Variants in MLLT10 observed in about 807,000 individuals in gnomAD.
MLLT10 encodes the protein protein AF-10.
Under a neutral mutation model 129.1 loss-of-function variants are expected in MLLT10, and 30 were observed. The observed-to-expected ratio is 0.23, with a 90% CI of 0.17 to 0.32. MLLT10 has a LOEUF of 0.32. Ranked by LOEUF, MLLT10 falls within the 10% of genes least tolerant of loss-of-function variation. The pLI is 1.00. For synonymous variants in MLLT10, 490 were observed against 446.4 expected, an observed-to-expected ratio of 1.10 and a Z score of -1.23; for missense variants, 1,119 against 1,268.3, an observed-to-expected ratio of 0.88 and a Z score of 1.79.
rs371279227 is a variant in MLLT10 at position 21,714,258 on chromosome 10, T to C, written c.1878+308T>C. Among the ~76,000 whole-genome samples the C allele has an allele frequency of 2.6e-5, 4 of 152,278 alleles. No homozygotes were observed. The East Asian group carries it at 7.7e-4, about 29-fold the overall frequency. On this transcript the variant is annotated intron_variant, in intron 14 of 22. Transcript: ENST00000307729. The stretch of plus-strand genomic sequence containing the variant: ...TTAAAAAAGTAGGACCCACAAAATA[T>C]GAGCAAGTTTTGGACTCTTGTGATT...
intron 9 of MLLT10, chr10:21,668,833 C>CAGAAGG: frequency 9.7e-7 from 1 of 1,031,124 alleles, no homozygotes; most frequent in Non-Finnish European, 1.2e-6. Context: ...AATTTTCTCT[C>CAGAAGG]CATTCTTTAT....
At chr10:21,568,989 AT>A (rs200259703) in intron 3 of MLLT10, among the ~76,000 whole-genome samples, 4 of 151,528 alleles carry the variant, frequency 2.6e-5, no homozygotes, top group African/African-American at 9.7e-5. Context: ...ATTGTCTTTG[AT>A]TTTTTTTTGT....
At position 21,673,551 on chromosome 10, in the gene MLLT10, T is replaced by C. The variant is rs142568293; in HGVS notation, c.1253T>C (p.Ile418Thr). ...EGGVNSFSTL[I>T]GLPSTSAVTS... Reference sequence around the variant, plus strand: ...GGGGTAAATAGTTTTAGTACCTTAATTGGCCTCCCTTCAACCTCAGCTGTT... The same window carrying C: ...GGGGTAAATAGTTTTAGTACCTTAACTGGCCTCCCTTCAACCTCAGCTGTT... The change falls in exon 11 of 23, where the codon ATT becomes ACT. Residue 418 changes from isoleucine to threonine, a missense_variant. Coordinates refer to ENST00000307729, the MANE Select transcript of MLLT10 (RefSeq NM_001195626.3). 12 of 1,613,208 alleles carry C rather than the reference T, an allele frequency of 7.4e-6. No individual in the cohort carries two copies. Among genetic ancestry groups the C allele is most frequent in the African/African-American group, 6.7e-5 (5 of 74,858 alleles).
chr10:21,603,559 A>G (rs11012749), intron 5 of MLLT10, among the ~76,000 whole-genome samples: 1 of 151,852 alleles, frequency 6.6e-6, no homozygotes, highest in Non-Finnish European at 1.5e-5. Context: ...ATAACAAACA[A>G]CCTGTGTAGA....
At chr10:21,552,690 C>A (rs894120697) in intron 3 of MLLT10, among the ~76,000 whole-genome samples, 1 of 152,124 alleles carries the variant, frequency 6.6e-6, no homozygotes, top group Non-Finnish European at 1.5e-5. Flanking sequence ...CCATGCCCGG[C>A]CTCTCTCATT....
At chr10:21,724,554 G>T (rs1284460444) in intron 14 of MLLT10, among the ~76,000 whole-genome samples, 1 of 152,192 alleles carries the variant, frequency 6.6e-6, no homozygotes, top group Non-Finnish European at 1.5e-5. Flanking sequence ...TAACTGCAAT[G>T]ATTTTAGTTT....
At chr10:21,682,325 G>A (rs41277384) in intron 13 of MLLT10, 68 bp downstream of exon 13, 6 of 1,395,896 alleles carry the variant, frequency 4.3e-6, no homozygotes, top group East Asian at 4.6e-5. Context: ...AGAGAATCTC[G>A]ATTGAAAGCT....
intron 3 of MLLT10, among the ~76,000 whole-genome samples, chr10:21,555,228 A>T (rs879723914): frequency 1.1e-4 from 16 of 151,576 alleles, no homozygotes; most frequent in Non-Finnish European, 1.8e-4. Context: ...AATTTAATTT[A>T]ATTTTATTTT....
chr10:21,537,160 C>G (rs1232611434), intron 2 of MLLT10, among the ~76,000 whole-genome samples: 1 of 152,142 alleles, frequency 6.6e-6, no homozygotes, highest in Non-Finnish European at 1.5e-5. Flanking sequence ...CAGGCATGAG[C>G]TGCCTTGCCT....
In MLLT10 at chr10:21,552,728, C is replaced by T. The variant is rs186057993; in HGVS notation, c.240+13816C>T. 4.1e-3 allele frequency among the ~76,000 whole-genome samples: 631 copies of T among 152,200 alleles called. 3 individuals are homozygous for T. The highest frequency in any genetic ancestry group is 6.9e-3 in the Non-Finnish European group (467 of 68,008). ...TTTCTTAAATAATCTGCATGGTTAT[C>T]GTATTAGGTCGTTTATAGATTCACT... On this transcript the variant is annotated intron_variant, in intron 3 of 22. Transcript: ENST00000307729.
chr10:21,736,704 G>A (rs2058395169), intron 21 of MLLT10, among the ~76,000 whole-genome samples: 1 of 152,196 alleles, frequency 6.6e-6, no homozygotes, highest in South Asian at 2.1e-4. Context: ...ACCAATTTTG[G>A]AGAGAAAAAT....
chr10:21,547,072 G>A (rs2036203643), intron 3 of MLLT10, among the ~76,000 whole-genome samples: 2 of 151,986 alleles, frequency 1.3e-5, no homozygotes, highest in African/African-American at 2.4e-5. Flanking sequence ...GTTTTACCAT[G>A]TTGGCCAGGC....
At chr10:21,664,267 C>G (rs765006870) in intron 9 of MLLT10, among the ~76,000 whole-genome samples, 1 of 145,622 alleles carries the variant, frequency 6.9e-6, no homozygotes, top group African/African-American at 2.5e-5. Flanking sequence ...CATGGATTAT[C>G]TTGTTAAACA....
chr10:21,623,153 G>T (rs1015583752), intron 8 of MLLT10, among the ~76,000 whole-genome samples: 6 of 152,282 alleles, frequency 3.9e-5, no homozygotes, highest in African/African-American at 1.4e-4. Context: ...TCATTGTTAA[G>T]ATTTTTTCTG....
chr10:21,703,853 G>A (rs1023199113), intron 13 of MLLT10, among the ~76,000 whole-genome samples: 1 of 151,426 alleles, frequency 6.6e-6, no homozygotes, highest in Non-Finnish European at 1.5e-5. Flanking sequence ...CCAGACCTGG[G>A]AAGTTTTAAT....
intron 3 of MLLT10, among the ~76,000 whole-genome samples, chr10:21,567,205 T>G (rs184703677): frequency 6.6e-6 from 1 of 152,362 alleles, no homozygotes; most frequent in East Asian, 1.9e-4. Flanking sequence ...AACAACTGTT[T>G]TAACTAGTGT....
intron 5 of MLLT10, among the ~76,000 whole-genome samples, chr10:21,606,699 C>A (rs972577847): frequency 6.6e-6 from 1 of 152,178 alleles, no homozygotes; most frequent in Admixed American, 6.5e-5. Context: ...CATGGTCAAA[C>A]TTGAATGTAT....
intron 3 of MLLT10, among the ~76,000 whole-genome samples, chr10:21,543,280 C>G (rs541763836): frequency 2.6e-5 from 4 of 151,944 alleles, no homozygotes; most frequent in African/African-American, 9.6e-5. Flanking sequence ...GTCACCATGC[C>G]CGGCTAATTT....
chr10:21,624,544 G>T, intron 8 of MLLT10: 1 of 1,146,320 alleles, frequency 8.7e-7, no homozygotes, highest in South Asian at 2.0e-5. Context: ...TGTAGATCTA[G>T]AGCCAGTCGT....
Sources: allele counts gnomAD v4.1 joint callset (sites outside exome capture counted in the v4.1 genomes callset), GRCh38; gene constraint gnomAD v4.1.1; transcripts MANE v1.5; gene names NCBI Gene and HGNC (gene_info 2026-07-23, HGNC 2026-07-21).